Variants in RFX2 observed in about 807,000 individuals in gnomAD.
RFX2 encodes DNA-binding protein RFX2.
Under a neutral mutation model 87.8 loss-of-function variants are expected in RFX2, and 20 were observed. The ratio of observed to expected loss-of-function variants is 0.23; its 90% confidence interval spans 0.16 to 0.33. The LOEUF (loss-of-function observed/expected upper bound fraction) is 0.33, where lower values mean the gene tolerates loss of function less well. Among genes scored for constraint, RFX2 ranks in the 10% least tolerant of loss-of-function variants. RFX2 has a pLI of 1.00. For missense variants in RFX2, 767 were observed against 1,012.3 expected (o/e 0.76, Z 3.29); for synonymous variants, 397 against 431.3 (o/e 0.92, Z 0.98).
At position 6,002,870 on chromosome 19, in the gene RFX2, C is replaced by T. The variant is rs368482689; in HGVS notation, c.1501G>A (p.Val501Met). The change falls in exon 14 of 18, where the codon GTG becomes ATG. Residue 501 changes from valine to methionine, a missense_variant and splice_region_variant. Val to Met is a conservative substitution (Grantham distance 21). Coordinates refer to ENST00000303657, the MANE Select transcript of RFX2 (RefSeq NM_000635.4). This position sits in a 1 kb window ranked among gnomAD's most constrained non-coding sequence, Gnocchi z 6.7. ...TGGGCGAAGGCACTGACGACGCCCA[C>T]CTGTAAGCCAGGGCTCGTGGTGAGC... ...DFPQQVIQTKVGVVSAFAQTL... is the reference protein window; with the variant it reads ...DFPQQVIQTKMGVVSAFAQTL... 2 of 1,604,796 alleles carry T rather than the reference C, an allele frequency of 1.2e-6. No individual in the cohort carries two copies. The highest frequency in any genetic ancestry group is 2.7e-5 in the African/African-American group (2 of 74,890).
At position 5,997,469 on chromosome 19, in the gene RFX2, A is replaced by C. The variant is rs1278148176; in HGVS notation, c.1860-256T>G. ...TGGGGAACAGGAGAGGGAGATGGGC[A>C]GTCAGCCCCAAAGCGACAGGCTGCG... On this transcript the variant is annotated intron_variant, in intron 15 of 17. Transcript: ENST00000303657. The surrounding 1 kb of genome is among the most constrained non-coding windows in gnomAD (Gnocchi z 4.2). The C allele has an allele frequency of 4.6e-6, 2 of 432,816 alleles. No individual in the cohort carries two copies. The highest frequency in any genetic ancestry group is 2.0e-5 in the African/African-American group (1 of 49,546). 26.8% of individuals were successfully genotyped at this position (432,816 alleles called of 1,614,324 possible).
chr19:6,069,518 C>T (rs1358916848), intron 1 of RFX2, among the ~76,000 whole-genome samples: 1 of 152,204 alleles, frequency 6.6e-6, no homozygotes, highest in Admixed American at 6.5e-5. Flanking sequence ...ACTATCTGGG[C>T]TCACCAAGGA....
chr19:6,100,481 A>G (rs1199258180), intron 1 of RFX2, among the ~76,000 whole-genome samples: 3 of 152,160 alleles, frequency 2.0e-5, no homozygotes, highest in Admixed American at 6.5e-5. Context: ...ATTAGGCAGG[A>G]GGCTTTGGCG....
At position 6,020,110 on chromosome 19, in the gene RFX2, T is replaced by G. The variant is rs1233216896; in HGVS notation, c.598-3839A>C. 1 of 152,294 alleles carries G rather than the reference T, an allele frequency of 6.6e-6. No individual in the cohort carries two copies. Among genetic ancestry groups the G allele is most frequent in the African/African-American group, 2.4e-5 (1 of 41,442 alleles). The allele number at this position is 152,294 out of a possible 1,614,324, so 9.4% of individuals were successfully genotyped here. On this transcript the variant is annotated intron_variant, in intron 6 of 17. Transcript: ENST00000303657. The surrounding 1 kb of genome is among the most constrained non-coding windows in gnomAD (Gnocchi z 5.3). ...AGGAGCCAAATGACGATGCGGATTTTCAGGCTAAAACTGTGAGGCCAGATT... is the reference window on the plus strand; with the variant it reads ...AGGAGCCAAATGACGATGCGGATTTGCAGGCTAAAACTGTGAGGCCAGATT...
chr19:6,095,240 C>T (rs2088004799), intron 1 of RFX2, among the ~76,000 whole-genome samples: 1 of 152,112 alleles, frequency 6.6e-6, no homozygotes, highest in Non-Finnish European at 1.5e-5. Flanking sequence ...AATAAATCAT[C>T]TCAGGATAAG....
chr19:6,072,285 A>G (rs1470286641), intron 1 of RFX2: 1 of 152,272 alleles, frequency 6.6e-6, no homozygotes, highest in Non-Finnish European at 1.5e-5. Flanking sequence ...CCATGTTCCA[A>G]TATTCTTTCC....
At chr19:6,048,872 C>A in intron 1 of RFX2, among the ~76,000 whole-genome samples, 1 of 151,706 alleles carries the variant, frequency 6.6e-6, no homozygotes, top group East Asian at 1.9e-4. Context: ...CACCGCTCCC[C>A]GGCCCCCGCC....
intron 4 of RFX2, 44 bp downstream of exon 4, chr19:6,041,993 GCTGGAGT>G (rs1161825388): frequency 6.7e-7 from 1 of 1,494,088 alleles, no homozygotes; most frequent in East Asian, 2.3e-5. Flanking sequence ...GGTGGCAAAG[GCTGGAGT>G]CAGGGAGAGG....
At chr19:6,070,682 A>G (rs1344821386) in intron 1 of RFX2, among the ~76,000 whole-genome samples, 1 of 152,046 alleles carries the variant, frequency 6.6e-6, no homozygotes, top group Non-Finnish European at 1.5e-5. Flanking sequence ...GTTTATGCAC[A>G]TGATTTGCCT....
intron 5 of RFX2, among the ~76,000 whole-genome samples, chr19:6,037,849 C>A (rs2087045242): frequency 6.6e-6 from 1 of 152,096 alleles, no homozygotes; most frequent in African/African-American, 2.4e-5. Context: ...TGAAATAAAC[C>A]CACACACATA....
chr19:6,009,850 G>A (rs1246858217), intron 9 of RFX2, among the ~76,000 whole-genome samples: 1 of 152,216 alleles, frequency 6.6e-6, no homozygotes, highest in Non-Finnish European at 1.5e-5. Context: ...ACGGGCATGA[G>A]CCGCCTGTCC....
intron 1 of RFX2, among the ~76,000 whole-genome samples, chr19:6,048,009 C>T (rs150203876): frequency 3.7e-4 from 56 of 152,340 alleles, no homozygotes; most frequent in African/African-American, 1.2e-3. Flanking sequence ...ATTCTGGGCA[C>T]GGCAGGGTGC....
rs1470711386 is a variant in RFX2, at chr19:6,050,113, AG to A, written c.-8-2610del. ...ACCACAAAGGTGTGGGGGAGATACCAGGGGTCTTGGGGAAAAACCAGCAGTG... is the reference window on the plus strand; with the variant it reads ...ACCACAAAGGTGTGGGGGAGATACCAGGGTCTTGGGGAAAAACCAGCAGTG... On this transcript the variant is annotated intron_variant, in intron 1 of 17. Transcript: ENST00000303657. The surrounding 1 kb of genome is among the most constrained non-coding windows in gnomAD (Gnocchi z 4.6). Among the ~76,000 whole-genome samples the A allele has an allele frequency of 2.6e-5, 4 of 152,214 alleles. No homozygotes were observed. The highest frequency in any genetic ancestry group is 1.3e-4 in the Admixed American group (2 of 15,282).
At chr19:6,106,368 C>T (rs531064134) in intron 1 of RFX2, among the ~76,000 whole-genome samples, 6 of 152,198 alleles carry the variant, frequency 3.9e-5, no homozygotes, top group African/African-American at 1.4e-4. Flanking sequence ...ATTCTAGAGA[C>T]GGAGTCAAAA....
chr19:6,079,938 TA>T (rs1301180021), intron 1 of RFX2, among the ~76,000 whole-genome samples: 4 of 132,752 alleles, frequency 3.0e-5, no homozygotes, highest in African/African-American at 1.1e-4. Context: ...ACAGCAAACC[TA>T]AAAAGGCAAA....
chr19:6,006,120 G>A (rs577355853), intron 12 of RFX2, among the ~76,000 whole-genome samples: 1 of 152,184 alleles, frequency 6.6e-6, no homozygotes, highest in Admixed American at 6.5e-5. Flanking sequence ...GACAAATAAC[G>A]CATGCCAGAG....
At chr19:6,087,109 C>G (rs2087865659) in intron 1 of RFX2, among the ~76,000 whole-genome samples, 1 of 152,094 alleles carries the variant, frequency 6.6e-6, no homozygotes, top group African/African-American at 2.4e-5. Context: ...GTGACAGAAT[C>G]AGTTCACTTC....
intron 1 of RFX2, among the ~76,000 whole-genome samples, chr19:6,087,994 T>G (rs78148525): frequency 0.081 from 12,305 of 152,090 alleles, 536 homozygotes; most frequent in Middle Eastern, 0.11. Flanking sequence ...GCACACCCAC[T>G]TCCAGAACTG....
chr19:6,091,931 G>A (rs2087941977), intron 1 of RFX2, among the ~76,000 whole-genome samples: 1 of 152,210 alleles, frequency 6.6e-6, no homozygotes. Flanking sequence ...TCAGAGAATT[G>A]TAGACTTTCT....
Sources: gnomAD v4.1 joint callset for allele counts (sites outside exome capture counted in the v4.1 genomes callset) on GRCh38, gnomAD v4.1.1 for gene constraint, Gnocchi (gnomAD v3.1) non-coding constraint, MANE v1.5 for transcripts, NCBI Gene and HGNC (gene_info 2026-07-23, HGNC 2026-07-21) for gene names.